The following ZNF133 variants were observed in gnomAD, a reference collection of about 807,000 sequenced individuals.
ZNF133 encodes the protein zinc finger protein 133.
In ZNF133, 26 loss-of-function variants were observed where a neutral mutation model predicts 54.9. The observed-to-expected ratio is 0.47, with a 90% CI of 0.35 to 0.66. ZNF133 has a LOEUF of 0.66. ZNF133 is among the 30% of genes least tolerant of loss of function. The pLI is 0.01. For synonymous variants in ZNF133, 298 were observed against 320.3 expected (o/e 0.93, Z 0.74); for missense variants, 653 against 820.8 (o/e 0.80, Z 2.50).
chr20:18,303,056 T>C (rs568542911), intron 3 of ZNF133, among the ~76,000 whole-genome samples: 1 of 152,126 alleles, frequency 6.6e-6, no homozygotes, highest in Non-Finnish European at 1.5e-5. Flanking sequence ...ACTATTTTTT[T>C]TTTTTTTTGA....
rs768739606 is a variant in ZNF133 at position 18,315,489 on chromosome 20, C to T, written c.638C>T (p.Thr213Ile). Reference sequence around the variant, plus strand: ...AGGATAGAAGTCTTAGGATTTGGAACAGTCAACTGTGGAGAGTGTGGACTG... The same window carrying T: ...AGGATAGAAGTCTTAGGATTTGGAATAGTCAACTGTGGAGAGTGTGGACTG... ...LKRIEVLGFG[T>I]VNCGECGLSF... The change falls in exon 7 of 7, where the codon ACA becomes ATA. Residue 213 changes from threonine (T) to isoleucine (I), a missense_variant. Physicochemically the swap from Thr to Ile is moderately conservative, Grantham distance 89. Transcript: ENST00000425686. The T allele has an allele frequency of 5.6e-6, 9 of 1,614,082 alleles. No homozygotes were observed. The highest frequency in any genetic ancestry group is 1.7e-6 in the Non-Finnish European group (2 of 1,180,046).
chr20:18,312,232 G>A (rs532635254), intron 6 of ZNF133, among the ~76,000 whole-genome samples: 3,370 of 152,246 alleles, frequency 0.022, 51 homozygotes, highest in Non-Finnish European at 0.036. Context: ...ATCAGCTGTG[G>A]AATTTTCTAC....
intron 6 of ZNF133, chr20:18,312,622 T>C (rs1257935522): frequency 6.6e-6 from 1 of 152,232 alleles, no homozygotes; most frequent in Non-Finnish European, 1.5e-5. Context: ...AGCTAAACTT[T>C]TTTCTTCAGA....
At chr20:18,304,462 A>G (rs1302170201) in intron 3 of ZNF133, among the ~76,000 whole-genome samples, 1 of 152,258 alleles carries the variant, frequency 6.6e-6, no homozygotes, top group Non-Finnish European at 1.5e-5. Flanking sequence ...TGCATGGAAG[A>G]ATAGCCAGAA....
chr20:18,289,172 A>G (rs1382811372), intron 1 of ZNF133, among the ~76,000 whole-genome samples: 2 of 151,956 alleles, frequency 1.3e-5, no homozygotes, highest in Non-Finnish European at 2.9e-5. Flanking sequence ...TGGGGTGGCC[A>G]TTTTGCCGCG....
Position 18,316,908 on chromosome 20 carries a change from ATTTGACT to A in ZNF133, c.*93_*99del, listed in dbSNP as rs2047641423. 1 of 1,409,272 alleles carries A rather than the reference ATTTGACT, an allele frequency of 7.1e-7. No individual in the cohort carries two copies. The highest frequency in any genetic ancestry group is 1.4e-5 in the African/African-American group (1 of 69,964). 87.3% of individuals were successfully genotyped at this position (1,409,272 alleles called of 1,614,324 possible). ...TGCATTCTGTAAGTGGTCAAAGGAC[ATTTGACT>A]GTTTACTTTCTCCACACTAAGTCTT... On this transcript the variant is annotated 3_prime_UTR_variant, in exon 7 of 7. Coordinates refer to ENST00000425686, the MANE Select transcript of ZNF133 (RefSeq NM_001352452.2).
At chr20:18,310,140 T>G (rs1383808522) in intron 6 of ZNF133, 2 of 1,313,674 alleles carry the variant, frequency 1.5e-6, no homozygotes, top group Non-Finnish European at 1.9e-6. Context: ...CTTTTTTGTC[T>G]CGTTTTTAAT....
In ZNF133 at chr20:18,315,398, G is replaced by C. The variant is rs2047225721; in HGVS notation, c.547G>C (p.Gly183Arg). 1.2e-6 allele frequency: 2 copies of C among 1,614,144 alleles called. No individual in the cohort carries two copies. The highest frequency in any genetic ancestry group is 2.2e-5 in the East Asian group (1 of 44,872). The change falls in exon 7 of 7, where the codon GGG (glycine) becomes CGG (arginine). Residue 183 changes from glycine to arginine, a missense_variant. By Grantham distance (125) the Gly-to-Arg change is moderately radical. This residue lies in a region of ZNF133 where 227 missense variants were observed against 233.9 expected (regional missense o/e 0.97). Transcript: ENST00000425686. Reference protein sequence around the residue: ...QPVSSRNGLRGVELEASPAQS... With the variant: ...QPVSSRNGLRRVELEASPAQS... ...AGTCAGCTCTCGGAACGGCCTCAGA[G>C]GGGTGGAGTTAGAAGCCAGCCCAGC...
intron 3 of ZNF133, among the ~76,000 whole-genome samples, chr20:18,299,414 TAAAGA>T (rs1458432081): frequency 6.6e-6 from 1 of 151,916 alleles, no homozygotes; most frequent in Non-Finnish European, 1.5e-5. Context: ...ACAAAAAGAT[TAAAGA>T]AAAGTGAACA....
chr20:18,312,131 T>G (rs73255819), intron 6 of ZNF133, among the ~76,000 whole-genome samples: 9 of 152,218 alleles, frequency 5.9e-5, no homozygotes, highest in Non-Finnish European at 1.3e-4. Flanking sequence ...CCTTGTACAC[T>G]TGGCCTGAAG....
Position 18,288,621 on chromosome 20 carries a change from C to G in ZNF133, c.-432+17C>G, listed in dbSNP as rs1226801524. The G allele has an allele frequency of 2.5e-6, 1 of 398,498 alleles. No individual in the cohort carries two copies. Among genetic ancestry groups the G allele is most frequent in the Non-Finnish European group, 4.4e-6 (1 of 226,092 alleles). 24.7% of individuals were successfully genotyped at this position (398,498 alleles called of 1,614,324 possible). A position where few individuals can be genotyped will look rare whatever the true frequency, so the allele number is the denominator to read the frequency against. On this transcript the variant is annotated intron_variant, in intron 1 of 6. Coordinates refer to ENST00000425686, the MANE Select transcript of ZNF133 (RefSeq NM_001352452.2). ...GTGGCGCTGGTGAGTGAGGCTCCCG[C>G]GGGACCCTTGCCGCAGCCGTACCCT...
rs1299176613 is a variant in ZNF133, at chr20:18,315,618, G to A, written c.767G>A (p.Ser256Asn). The A allele has an allele frequency of 6.2e-7, 1 of 1,613,606 alleles. No homozygotes were observed. Residue 256 changes from serine (S) to asparagine (N), a missense_variant, in exon 7 of 7, where the codon AGC becomes AAC. By Grantham distance (46) the Ser-to-Asn change is conservative. Coordinates refer to ENST00000425686, the MANE Select transcript of ZNF133 (RefSeq NM_001352452.2). ...GAGAAGGGCTTCAGCCTAAAGAAGAGCCTCGCCAGACACCAGAAGGCACAC... is the reference window on the plus strand; with the variant it reads ...GAGAAGGGCTTCAGCCTAAAGAAGAACCTCGCCAGACACCAGAAGGCACAC... Reference protein sequence around the residue: ...VCEKGFSLKKSLARHQKAHSG... With the variant: ...VCEKGFSLKKNLARHQKAHSG...
intron 6 of ZNF133, chr20:18,306,861 A>G: frequency 7.0e-6 from 6 of 857,910 alleles, no homozygotes; most frequent in African/African-American, 1.9e-5. Flanking sequence ...ATGTTATATA[A>G]ATATCTATAT....
chr20:18,300,139 CTA>C (rs1322803547), intron 3 of ZNF133, among the ~76,000 whole-genome samples: 1 of 152,054 alleles, frequency 6.6e-6, no homozygotes, highest in African/African-American at 2.4e-5. Context: ...AAAAAATAGT[CTA>C]TGTTTTTGAC....
At chr20:18,292,170 G>C (rs2041207519) in intron 1 of ZNF133, among the ~76,000 whole-genome samples, 2 of 152,180 alleles carry the variant, frequency 1.3e-5, no homozygotes. Context: ...TAGCCTTTCA[G>C]TGATCTCTTT....
At position 18,316,527 on chromosome 20, in the gene ZNF133, TTGGCAATA is replaced by T; in HGVS notation, c.1677_1684del (p.Phe559LeufsTer80). 2.5e-6 allele frequency: 4 copies of T among 1,614,014 alleles called. No individual in the cohort carries two copies. Among genetic ancestry groups the T allele is most frequent in the Non-Finnish European group, 3.4e-6 (4 of 1,179,898 alleles). On this transcript the variant is annotated frameshift_variant, in exon 7 of 7. Transcript: ENST00000425686. LOFTEE classifies it high-confidence loss of function. ...ATGTGCAGGCAGTGTGGACTGGGCT[TTGGCAATA>T]AGTCAGCTCTAATTACACACAAGCG...
At chr20:18,310,051 C>T in intron 6 of ZNF133, 1 of 1,025,858 alleles carries the variant, frequency 9.7e-7, no homozygotes, top group Non-Finnish European at 1.2e-6. Flanking sequence ...GTTTTCTCAA[C>T]CTGAAAAGTA....
chr20:18,298,277 T>A lies in ZNF133; in HGVS notation c.-353-12T>A. On this transcript the variant is annotated splice_polypyrimidine_tract_variant and intron_variant, in intron 2 of 6. Transcript: ENST00000425686. ...CTACAGTATGAGATAGAGTCTGCAT[T>A]TCTTTGTTCAGCTTCAAAAGTTCTG... The A allele has an allele frequency of 7.3e-7, 1 of 1,370,356 alleles. No individual in the cohort carries two copies. Among genetic ancestry groups the A allele is most frequent in the Non-Finnish European group, 9.4e-7 (1 of 1,064,306 alleles). The allele number at this position is 1,370,356 out of a possible 1,614,324, so 84.9% of individuals were successfully genotyped here. A position where few individuals can be genotyped will look rare whatever the true frequency, so the allele number is the denominator to read the frequency against.
intron 6 of ZNF133, among the ~76,000 whole-genome samples, chr20:18,309,640 C>A (rs2045416670): frequency 6.6e-6 from 1 of 152,238 alleles, no homozygotes; most frequent in Non-Finnish European, 1.5e-5. Flanking sequence ...CTGTGGAGCA[C>A]CCTGAGAGTG....
Sources: allele counts gnomAD v4.1 joint callset (sites outside exome capture counted in the v4.1 genomes callset), GRCh38; gene constraint gnomAD v4.1.1; regional missense constraint gnomAD v4.1.1; transcripts MANE v1.5; gene names NCBI Gene and HGNC (gene_info 2026-07-23, HGNC 2026-07-21).